MYH7B: variants seen among roughly 807,000 people sequenced by gnomAD.
MYH7B encodes the protein myosin-7B.
Under a neutral mutation model 234.5 loss-of-function variants are expected in MYH7B, and 205 were observed. The observed-to-expected ratio is 0.87, with a 90% confidence interval of 0.78 to 0.98. The LOEUF is 0.98. Ranked by LOEUF, MYH7B falls within the 50% of genes least tolerant of loss-of-function variation. The pLI is 0.00. For synonymous variants in MYH7B, 1,193 were observed against 1,105.0 expected (o/e 1.08, Z -1.58); for missense variants, 2,652 against 2,633.4 (o/e 1.01, Z -0.15).
Position 34,990,147 on chromosome 20 carries a change from G to T in MYH7B, c.1900+1G>T. 6.2e-7 allele frequency: 1 copy of T among 1,614,074 alleles called. No homozygotes were observed. Among genetic ancestry groups the T allele is most frequent in the South Asian group, 1.1e-5 (1 of 91,084 alleles). On this transcript the variant is annotated splice_donor_variant, in intron 21 of 44. Transcript: ENST00000262873. LOFTEE classifies it high-confidence loss of function. ...GAGAATTATGCGGGCTCCTGCTCCA[G>T]TGAGTATGGAGGGACAAGATCTCCA...
chr20:34,996,586 C>G (rs1254536772), intron 29 of MYH7B, 27 bp from the exon 30 acceptor site: 2 of 1,604,726 alleles, frequency 1.2e-6, no homozygotes, highest in Non-Finnish European at 1.7e-6. Flanking sequence ...TGGGCCATGG[C>G]TGACCCCTGC....
intron 43 of MYH7B, 113 bp from the exon 44 acceptor site, chr20:35,001,835 T>C (rs1161539615): frequency 8.1e-6 from 12 of 1,478,122 alleles, no homozygotes; most frequent in African/African-American, 1.4e-5. Context: ...ACAGTGGCAA[T>C]AGGAACAAAG....
chr20:34,964,724 G>T lies in MYH7B; in HGVS notation c.-222+6512G>T, dbSNP rs143300578. On this transcript the variant is annotated intron_variant, in intron 2 of 44. Transcript: ENST00000262873. ...ACTTGAGACCAGGAGATAGAGACCA[G>T]CCTGGGCAACATAGTGAGATCCCAC... Among the ~76,000 whole-genome samples, 3 of 152,290 alleles carry T rather than the reference G, an allele frequency of 2.0e-5. No individual in the cohort carries two copies. In the East Asian group the frequency reaches 5.8e-4, roughly 29 times the overall value.
chr20:34,987,504 CCT>C, intron 16 of MYH7B, 51 bp from the exon 17 acceptor site: 9 of 1,504,876 alleles, frequency 6.0e-6, no homozygotes, highest in South Asian at 2.4e-5. Flanking sequence ...CAGTAGAGCC[CCT>C]GAGTGCGCAT....
chr20:34,980,863 G>A (rs1343827921), intron 8 of MYH7B, 129 bp downstream of exon 8: 4 of 1,493,754 alleles, frequency 2.7e-6, no homozygotes, highest in Admixed American at 3.8e-5. Context: ...TCGCCCAGCC[G>A]TTCTGTCCCT....
chr20:34,995,219 C>T, intron 27 of MYH7B, 117 bp from the exon 28 acceptor site: 1 of 953,164 alleles, frequency 1.0e-6, no homozygotes, highest in Non-Finnish European at 1.5e-6. Flanking sequence ...CCTGAGTTCT[C>T]AGAGCACAGC....
At chr20:34,988,060 G>C in intron 18 of MYH7B, 32 bp from the exon 19 acceptor site, 2 of 1,597,398 alleles carry the variant, frequency 1.3e-6, no homozygotes, top group Non-Finnish European at 1.7e-6. Context: ...ATCTGCGAGA[G>C]GTCTGCTGAG....
At chr20:34,956,251 A>AT (rs897430370) in intron 1 of MYH7B, among the ~76,000 whole-genome samples, 85 of 151,524 alleles carry the variant, frequency 5.6e-4, no homozygotes, top group South Asian at 1.0e-3. Flanking sequence ...GATTTTATCT[A>AT]TTTTTTTTTA....
intron 2 of MYH7B, among the ~76,000 whole-genome samples, chr20:34,958,692 C>T (rs1053877353): frequency 3.3e-5 from 5 of 152,136 alleles, no homozygotes; most frequent in Non-Finnish European, 7.3e-5. Flanking sequence ...TCTCAAACTC[C>T]TGACCTTGTG....
chr20:35,002,028 G>A (rs1172454142), exon 44 of MYH7B: 2 of 1,613,938 alleles, frequency 1.2e-6, no homozygotes, highest in African/African-American at 1.3e-5. Flanking sequence ...GGGCAGACAT[G>A]GCGGAAACCC....
intron 2 of MYH7B, among the ~76,000 whole-genome samples, chr20:34,959,149 C>G (rs1002150340): frequency 3.9e-5 from 6 of 152,228 alleles, no homozygotes; most frequent in African/African-American, 1.2e-4. Flanking sequence ...ATAGACTCGT[C>G]TGAGATCCAT....
chr20:34,957,868 C>T (rs1281492443), intron 1 of MYH7B, among the ~76,000 whole-genome samples: 1 of 152,172 alleles, frequency 6.6e-6, no homozygotes, highest in Non-Finnish European at 1.5e-5. Context: ...CGTGTGTGGT[C>T]ACGGGATGGG....
At chr20:34,989,696 T>C (rs1292523245) in intron 19 of MYH7B, 44 bp from the exon 20 acceptor site, 1 of 1,581,976 alleles carries the variant, frequency 6.3e-7, no homozygotes, top group East Asian at 2.2e-5. Flanking sequence ...CCTTCCAGGA[T>C]GGACTGGCTT....
intron 26 of MYH7B, among the ~76,000 whole-genome samples, 179 bp downstream of exon 26, chr20:34,993,649 A>G (rs2082199465): frequency 6.6e-6 from 1 of 152,246 alleles, no homozygotes; most frequent in Non-Finnish European, 1.5e-5. Context: ...AAAACGGGGT[A>G]CGGCACTTGC....
At chr20:34,984,562 G>A in intron 10 of MYH7B, 130 bp from the exon 11 acceptor site, 1 of 774,604 alleles carries the variant, frequency 1.3e-6, no homozygotes, top group African/African-American at 1.8e-5. Flanking sequence ...GAGGGTGGGG[G>A]CCATGCATTC....
intron 2 of MYH7B, among the ~76,000 whole-genome samples, chr20:34,960,391 A>G (rs977676232): frequency 6.6e-6 from 1 of 151,852 alleles, no homozygotes; most frequent in Non-Finnish European, 1.5e-5. Context: ...GCCTGCCACC[A>G]CGCCCGCCTA....
chr20:34,996,950 C>A, intron 30 of MYH7B, 133 bp from the exon 31 acceptor site: 1 of 1,289,618 alleles, frequency 7.8e-7, no homozygotes, highest in Non-Finnish European at 1.1e-6. Context: ...GGGCTGAGGC[C>A]TCAGGGCCCA....
In MYH7B at chr20:34,996,537, C is replaced by T. The variant is rs978444597; in HGVS notation, c.3120+15C>T. 1 of 1,605,716 alleles carries T rather than the reference C, an allele frequency of 6.2e-7. No homozygotes were observed. Among genetic ancestry groups the T allele is most frequent in the Non-Finnish European group, 8.5e-7 (1 of 1,175,722 alleles). On this transcript the variant is annotated intron_variant, in intron 29 of 44. Coordinates refer to ENST00000262873, the Ensembl canonical transcript of MYH7B. ...AGGTGGAGGACGTGAGTCAGGGCCA[C>T]CCCGAGACTGGGTGGCGGGGCCGGG...
exon 28 of MYH7B, chr20:34,995,572 G>A (rs2147225763): frequency 6.2e-7 from 1 of 1,614,052 alleles, no homozygotes; most frequent in Non-Finnish European, 8.5e-7. Flanking sequence ...AAGCCACTGA[G>A]AACAAGGTGT....
Sources: allele counts gnomAD v4.1 joint callset (sites outside exome capture counted in the v4.1 genomes callset), GRCh38; gene constraint gnomAD v4.1.1; transcripts MANE v1.5; gene names NCBI Gene and HGNC (gene_info 2026-07-23, HGNC 2026-07-21).